Variants in SETDB1 observed in about 807,000 individuals in gnomAD.
The protein encoded by SETDB1 is SET domain bifurcated histone lysine methyltransferase 1.
In SETDB1, 31 loss-of-function variants were observed where a neutral mutation model predicts 137.4. The observed-to-expected ratio is 0.23, with a 90% confidence interval of 0.17 to 0.30. The LOEUF (loss-of-function observed/expected upper bound fraction) is 0.30. Ranked by LOEUF, SETDB1 falls within the 10% of genes least tolerant of loss-of-function variation. The probability of loss-of-function intolerance (pLI) is 1.00; values close to 1 mark genes in which losing one functional copy is unlikely to be tolerated. For missense variants in SETDB1, 1,113 were observed against 1,631.5 expected, an observed-to-expected ratio of 0.68 and a Z score of 5.47; for synonymous variants, 548 against 579.9, an observed-to-expected ratio of 0.95 and a Z score of 0.79.
Position 150,939,925 on chromosome 1 carries a change from T to C in SETDB1, c.413-15T>C. On this transcript the variant is annotated splice_polypyrimidine_tract_variant and intron_variant, in intron 3 of 21. Coordinates refer to ENST00000692827, the MANE Select transcript of SETDB1 (RefSeq NM_001366418.1). The stretch of plus-strand genomic sequence containing the variant: ...GTAAGTCTCTGACACTCATTAGAGT[T>C]CTTCTCGTCCATAGGTGATGCTGGG... The C allele has an allele frequency of 6.2e-7, 1 of 1,607,608 alleles. No homozygotes were observed. Among genetic ancestry groups the C allele is most frequent in the Non-Finnish European group, 8.5e-7 (1 of 1,175,746 alleles).
chr1:150,956,041 G>A (rs183077409), intron 14 of SETDB1, among the ~76,000 whole-genome samples: 24 of 144,464 alleles, frequency 1.7e-4, no homozygotes, highest in African/African-American at 6.0e-4. Context: ...GCAGTGAGCC[G>A]AGATTGCACC....
chr1:150,931,434 A>T (rs898078093), intron 3 of SETDB1, among the ~76,000 whole-genome samples: 4 of 150,806 alleles, frequency 2.7e-5, no homozygotes, highest in African/African-American at 9.7e-5. Flanking sequence ...AAATACAAAA[A>T]ATTAGCTGGG....
intron 3 of SETDB1, among the ~76,000 whole-genome samples, chr1:150,938,122 G>A (rs1670001378): frequency 6.6e-6 from 1 of 151,530 alleles, no homozygotes; most frequent in Non-Finnish European, 1.5e-5. Context: ...TCATGAGACT[G>A]AGCCAGAAGA....
chr1:150,928,088 C>A, intron 2 of SETDB1, 114 bp downstream of exon 2: 1 of 1,277,208 alleles, frequency 7.8e-7, no homozygotes, highest in Non-Finnish European at 1.1e-6. Flanking sequence ...GACGGAGTCT[C>A]GCTCTGTCAC....
At chr1:150,956,883 G>C (rs587768768) in intron 14 of SETDB1, among the ~76,000 whole-genome samples, 25 of 152,148 alleles carry the variant, frequency 1.6e-4, no homozygotes, top group Non-Finnish European at 3.1e-4. Flanking sequence ...GGGAGGCCGT[G>C]GTGGGGGGAT....
intron 1 of SETDB1, 151 bp downstream of exon 1, chr1:150,926,668 AC>A (rs1290910609): frequency 2.0e-6 from 1 of 509,222 alleles, no homozygotes; most frequent in East Asian, 5.6e-5. Flanking sequence ...GGTAGGACGC[AC>A]CCCTAGAATG....
intron 9 of SETDB1, among the ~76,000 whole-genome samples, chr1:150,946,249 G>A (rs953520890): frequency 1.3e-5 from 2 of 151,796 alleles, no homozygotes; most frequent in African/African-American, 4.8e-5. Flanking sequence ...GAACTCCTGA[G>A]CTCAAGCAGT....
rs763588561 is a variant in SETDB1, at chr1:150,949,507, G to A, written c.1565G>A (p.Gly522Glu). 16 of 1,613,926 alleles carry A rather than the reference G, an allele frequency of 9.9e-6. No homozygotes were observed. Among genetic ancestry groups the A allele is most frequent in the East Asian group, 2.2e-5 (1 of 44,894 alleles). ...LSENVSGGKP[G>E]INQTYRSPLG... ...GAAAATGTCTCTGGTGGGAAACCTG[G>A]GATCAACCAGACATATAGGTGAGAA... The change falls in exon 12 of 22, where the codon GGG becomes GAG. Residue 522 changes from glycine (G) to glutamate (E), a missense_variant. Around this residue, in one of 11 missense-constraint regions of SETDB1, gnomAD observed 192 missense variants for 198.1 expected, o/e 0.97. Coordinates refer to ENST00000692827, the MANE Select transcript of SETDB1 (RefSeq NM_001366418.1).
chr1:150,945,938 GTGA>G (rs1670310019), intron 9 of SETDB1, among the ~76,000 whole-genome samples: 1 of 152,154 alleles, frequency 6.6e-6, no homozygotes, highest in South Asian at 2.1e-4. Flanking sequence ...CTGACCTCAA[GTGA>G]TCCACCTGCC....
At chr1:150,933,761 CTT>C (rs1669847908) in intron 3 of SETDB1, among the ~76,000 whole-genome samples, 2 of 113,414 alleles carry the variant, frequency 1.8e-5, no homozygotes, top group South Asian at 2.9e-4. Context: ...TTTTCTTTTT[CTT>C]TTTCTTTTTC....
chr1:150,938,058 T>C (rs1157554070), intron 3 of SETDB1, among the ~76,000 whole-genome samples: 5 of 151,972 alleles, frequency 3.3e-5, no homozygotes, highest in Admixed American at 6.6e-5. Context: ...CTGTCTCTAC[T>C]AAAAATACAA....
At chr1:150,938,335 A>G (rs757016732) in intron 3 of SETDB1, among the ~76,000 whole-genome samples, 6 of 152,124 alleles carry the variant, frequency 3.9e-5, no homozygotes, top group Non-Finnish European at 5.9e-5. Flanking sequence ...AGGCAAATCC[A>G]TAGAGACAGA....
intron 9 of SETDB1, 21 bp from the exon 10 acceptor site, chr1:150,946,865 T>G (rs370995618): frequency 1.2e-6 from 2 of 1,613,774 alleles, no homozygotes; most frequent in Non-Finnish European, 1.7e-6. Context: ...TTCCCTTCAT[T>G]CTTTTCTCTC....
chr1:150,948,459 C>T (rs1293589891), intron 10 of SETDB1, among the ~76,000 whole-genome samples: 2 of 151,898 alleles, frequency 1.3e-5, no homozygotes, highest in African/African-American at 4.8e-5. Flanking sequence ...TTAGTAGAGA[C>T]GGGATTTCTC....
rs1333571760 is a variant in SETDB1 at position 150,950,449 on chromosome 1, C to G, written c.1584-9C>G. 1 of 1,566,202 alleles carries G rather than the reference C, an allele frequency of 6.4e-7. No homozygotes were observed. Among genetic ancestry groups the G allele is most frequent in the Non-Finnish European group, 8.6e-7 (1 of 1,156,548 alleles). The stretch of plus-strand genomic sequence containing the variant: ...CCTTCCGATCTGATCACTTGCATCT[C>G]ATTTGCAGATCACCTTTAGGCTCCA... On this transcript the variant is annotated splice_polypyrimidine_tract_variant and intron_variant, in intron 12 of 21. Transcript: ENST00000692827.
chr1:150,933,899 T>C (rs1389059978), intron 3 of SETDB1, among the ~76,000 whole-genome samples: 1 of 148,792 alleles, frequency 6.7e-6, no homozygotes, highest in Admixed American at 6.8e-5. Context: ...TTCTCCTGCC[T>C]CAGCCTCCTA....
chr1:150,959,477 A>G (rs1670752661), intron 15 of SETDB1, 130 bp downstream of exon 15: 4 of 727,364 alleles, frequency 5.5e-6, no homozygotes, highest in East Asian at 5.4e-5. Flanking sequence ...AGGGACTTCT[A>G]CAAAGAACGT....
chr1:150,959,061 A>T, intron 14 of SETDB1, 117 bp from the exon 15 acceptor site: 1 of 703,756 alleles, frequency 1.4e-6, no homozygotes, highest in Non-Finnish European at 2.2e-6. Context: ...CCTAATTTTT[A>T]ATCTTTATCC....
At chr1:150,954,011 C>T (rs897612606) in intron 14 of SETDB1, among the ~76,000 whole-genome samples, 7 of 151,990 alleles carry the variant, frequency 4.6e-5, no homozygotes, top group African/African-American at 1.4e-4. Context: ...CCCACCACCA[C>T]GCCTGACTAC....
Sources: gnomAD v4.1 joint callset for allele counts (sites outside exome capture counted in the v4.1 genomes callset) on GRCh38, gnomAD v4.1.1 for gene constraint, gnomAD v4.1.1 regional missense constraint, MANE v1.5 for transcripts, NCBI Gene and HGNC (gene_info 2026-07-23, HGNC 2026-07-21) for gene names.